The following PRAMEF27 variants were observed in gnomAD, a reference collection of about 807,000 sequenced individuals.
PRAMEF27 encodes the protein PRAME family member 27.
A neutral mutation model predicts 21.0 loss-of-function variants in PRAMEF27; 5 were observed. The ratio of observed to expected loss-of-function variants is 0.24; its 90% CI spans 0.12 to 0.50. The LOEUF (loss-of-function observed/expected upper bound fraction) is 0.50. Ranked by LOEUF, PRAMEF27 falls within the 20% of genes least tolerant of loss-of-function variation. The probability of loss-of-function intolerance (pLI) is 0.98; values close to 1 mark genes in which losing one functional copy is unlikely to be tolerated. For missense variants in PRAMEF27, 138 were observed against 541.4 expected (o/e 0.25, Z 7.39); for synonymous variants, 61 against 211.2 (o/e 0.29, Z 6.17).
At chr1:13,055,528 G>T (rs1249388643) in intron 1 of PRAMEF27, 1 of 137,114 alleles carries the variant, frequency 7.3e-6, no homozygotes, top group Non-Finnish European at 1.5e-5. Context: ...AGCCTTCCAC[G>T]TAGCTGGGAC....
chr1:13,050,461 A>T (rs1268903358), intron 3 of PRAMEF27, 92 bp from the exon 4 acceptor site: 207,912 of 819,196 alleles, frequency 0.25, 20,077 homozygotes, highest in African/African-American at 0.48. Flanking sequence ...GATGGAGACC[A>T]TTTTGCCCAA....
intron 1 of PRAMEF27, chr1:13,055,780 G>A (rs1341021349): frequency 2.9e-5 from 4 of 138,666 alleles, no homozygotes; most frequent in African/African-American, 1.2e-4. Flanking sequence ...ACAGATGCAT[G>A]GTGACTCACA....
Position 13,053,810 on chromosome 1 carries a change from C to T in PRAMEF27, c.-16-135G>A, listed in dbSNP as rs1359488539. Reference sequence around the variant, plus strand: ...CAGTTTACTCCAATTCTGCCCTGTACTCAGTGGCCATTAAGCCAGCATTGT... The same window carrying T: ...CAGTTTACTCCAATTCTGCCCTGTATTCAGTGGCCATTAAGCCAGCATTGT... On this transcript the variant is annotated intron_variant, in intron 1 of 3. Coordinates refer to ENST00000436041, the MANE Select transcript of PRAMEF27 (RefSeq NM_001300891.2). 3.3e-5 allele frequency: 40 copies of T among 1,207,266 alleles called. 9 individuals carry two copies. The East Asian group carries it at 1.1e-3, about 32-fold the overall frequency. The allele number at this position is 1,207,266 out of a possible 1,614,324, so 74.8% of individuals were successfully genotyped here. A position where few individuals can be genotyped will look rare whatever the true frequency, so the allele number is the denominator to read the frequency against.
intron 1 of PRAMEF27, chr1:13,056,196 A>G (rs1245231981): frequency 8.4e-6 from 1 of 118,348 alleles, no homozygotes; most frequent in Non-Finnish European, 1.6e-5. Context: ...GCTCCCTTCA[A>G]GAATTTTAAA....
intron 1 of PRAMEF27, chr1:13,055,499 C>G (rs1326474803): frequency 1.4e-4 from 14 of 101,074 alleles, no homozygotes; most frequent in East Asian, 3.8e-4. Context: ...CTCCAAGATT[C>G]AAGCAATTCG....
intron 3 of PRAMEF27, 137 bp from the exon 4 acceptor site, chr1:13,050,506 C>T: frequency 3.8e-6 from 5 of 1,327,366 alleles, no homozygotes; most frequent in Non-Finnish European, 4.1e-6. Context: ...ATGGTCAACA[C>T]TTAGAATGAT....
intron 1 of PRAMEF27, 125 bp from the exon 2 acceptor site, chr1:13,053,800 C>G (rs1477286872): frequency 1.6e-6 from 2 of 1,269,410 alleles, no homozygotes; most frequent in Admixed American, 2.2e-5. Context: ...TACTCCAATT[C>G]TGCCCTGTAC....
At chr1:13,056,053 C>G (rs1314026796) in intron 1 of PRAMEF27, 3 of 118,046 alleles carry the variant, frequency 2.5e-5, no homozygotes, top group Admixed American at 7.5e-5. Flanking sequence ...GAGACTCCAT[C>G]TCCACCCTCA....
In PRAMEF27 at chr1:13,049,823, A is replaced by T; in HGVS notation, c.1422T>A (p.Asp474Glu). The change falls in exon 4 of 4, where the codon GAT becomes GAA. Residue 474 changes from aspartate to glutamate, a missense_variant. Asp to Glu is a conservative substitution (Grantham distance 45). Transcript: ENST00000436041. ...AGGCAGGCATTCAACAGCAGTATTG[A>T]TCTGCCTCCAGGTCATAAAATGACC... The part of the protein sequence containing the change: ...GNRSFYDLEA[D>E]QYCC 1.4e-6 allele frequency: 2 copies of T among 1,403,006 alleles called. No homozygotes were observed. Among genetic ancestry groups the T allele is most frequent in the Non-Finnish European group, 1.9e-6 (2 of 1,074,496 alleles). 86.9% of individuals were successfully genotyped at this position (1,403,006 alleles called of 1,614,324 possible). A position where few individuals can be genotyped will look rare whatever the true frequency, so the allele number is the denominator to read the frequency against.
At chr1:13,051,123 T>A (rs1246971873) in intron 3 of PRAMEF27, 143 of 152,960 alleles carry the variant, frequency 9.3e-4, no homozygotes, top group Non-Finnish European at 1.2e-3. Context: ...TTGTGCCTGC[T>A]CCCTGACCCT....
intron 1 of PRAMEF27, chr1:13,055,652 G>A (rs1453839534): frequency 6.6e-6 from 1 of 151,194 alleles, no homozygotes; most frequent in East Asian, 1.9e-4. Flanking sequence ...TTTTTGGACA[G>A]AGTGTCTCTC....
In PRAMEF27 at chr1:13,053,692, C is replaced by G; in HGVS notation, c.-16-17G>C. 2 of 1,589,252 alleles carry G rather than the reference C, an allele frequency of 1.3e-6. No individual in the cohort carries two copies. The highest frequency in any genetic ancestry group is 1.7e-6 in the Non-Finnish European group (2 of 1,177,800). ...CAGGGAAAACTTCCAGAGGACAAACCCAGAGAAAAGGCATCACTCTCAGGC... is the reference window on the plus strand; with the variant it reads ...CAGGGAAAACTTCCAGAGGACAAACGCAGAGAAAAGGCATCACTCTCAGGC... On this transcript the variant is annotated splice_polypyrimidine_tract_variant and intron_variant, in intron 1 of 3. Coordinates refer to ENST00000436041, the MANE Select transcript of PRAMEF27 (RefSeq NM_001300891.2).
At chr1:13,050,651 T>G in intron 3 of PRAMEF27, 2 of 548,342 alleles carry the variant, frequency 3.6e-6, no homozygotes, top group Non-Finnish European at 6.4e-6. Flanking sequence ...ACCAGCCTGC[T>G]GAACATGGCA....
At position 13,053,601 on chromosome 1, in the gene PRAMEF27, A is replaced by T; in HGVS notation, c.59T>A (p.Leu20Gln). The T allele has an allele frequency of 4.4e-6, 7 of 1,595,072 alleles. No individual in the cohort carries two copies. Among genetic ancestry groups the T allele is most frequent in the Non-Finnish European group, 5.9e-6 (7 of 1,178,762 alleles). Residue 20 changes from leucine to glutamine, a missense_variant, in exon 2 of 4, where the codon CTG becomes CAG. By Grantham distance (113) the Leu-to-Gln change is moderately radical. Coordinates refer to ENST00000436041, the MANE Select transcript of PRAMEF27 (RefSeq NM_001300891.2). ...RLLELAGRSL[L>Q]RDQALAMSTL... ...GGACATGGCCAAGGCTTGGTCCCTCAGCAGGCTCCGCCCCGCAAGCTCCAG... is the reference window on the plus strand; with the variant it reads ...GGACATGGCCAAGGCTTGGTCCCTCTGCAGGCTCCGCCCCGCAAGCTCCAG...
chr1:13,053,827 C>T (rs2100238794), intron 1 of PRAMEF27, 152 bp from the exon 2 acceptor site: 7 of 1,088,602 alleles, frequency 6.4e-6, no homozygotes, highest in East Asian at 2.8e-5. Flanking sequence ...GCCATTAAGC[C>T]AGCATTGTGC....
rs1922921 is a variant in PRAMEF27, at chr1:13,056,554, T to C, written c.-157A>G. ...CTAATCACAACTCCCACCCACGCCCTTCCACGTGTGCACTGCTAGCTTCCA... is the reference window on the plus strand; with the variant it reads ...CTAATCACAACTCCCACCCACGCCCCTCCACGTGTGCACTGCTAGCTTCCA... On this transcript the variant is annotated 5_prime_UTR_variant, in exon 1 of 4. Transcript: ENST00000436041. 6.2e-5 allele frequency: 8 copies of C among 129,666 alleles called. 1 individual carries two copies. In the South Asian group the frequency reaches 1.3e-3, roughly 21 times the overall value. The allele number at this position is 129,666 out of a possible 1,614,324, so 8.0% of individuals were successfully genotyped here. A position where few individuals can be genotyped will look rare whatever the true frequency, so the allele number is the denominator to read the frequency against.
At chr1:13,056,010 C>A (rs1483267864) in intron 1 of PRAMEF27, 1 of 120,158 alleles carries the variant, frequency 8.3e-6, no homozygotes, top group Non-Finnish European at 1.6e-5. Context: ...GAGTTGAGAT[C>A]GTGCCACTGC....
In PRAMEF27 at chr1:13,053,408, G is replaced by A. The variant is rs1262785306; in HGVS notation, c.252C>T (p.Leu84=). ...GGGTAAGCAGTGCATCAAGCCCATC[G>A]AGCACAGCTTGGAAGGCCTCCAGAC... ...MPCLEAFQAV[L]DGLDALLTQG... is the part of the protein sequence containing the mutation. The change falls in exon 2 of 4, where the codon CTC becomes CTT. Residue 84 remains leucine, a synonymous_variant. Coordinates refer to ENST00000436041, the MANE Select transcript of PRAMEF27 (RefSeq NM_001300891.2). The A allele has an allele frequency of 1.7e-5, 25 of 1,497,696 alleles. 7 individuals carry two copies. In the African/African-American group the frequency reaches 3.3e-4, roughly 20 times the overall value. The allele number at this position is 1,497,696 out of a possible 1,614,324, so 92.8% of individuals were successfully genotyped here.
intron 1 of PRAMEF27, 84 bp from the exon 2 acceptor site, chr1:13,053,759 T>G (rs1642229451): frequency 1.4e-6 from 2 of 1,481,136 alleles, no homozygotes; most frequent in South Asian, 2.7e-5. Flanking sequence ...CCAAACTCAC[T>G]GCTCTGGCAA....
Sources: allele counts gnomAD v4.1 joint callset, GRCh38; gene constraint gnomAD v4.1.1; transcripts MANE v1.5; gene names NCBI Gene and HGNC (gene_info 2026-07-23, HGNC 2026-07-21).